REPS2: variants seen among roughly 807,000 people sequenced by gnomAD.
REPS2 encodes ralBP1-associated Eps domain-containing protein 2.
A neutral mutation model predicts 53.6 loss-of-function variants in REPS2; 23 were observed. The observed-to-expected ratio is 0.43, with a 90% CI of 0.31 to 0.61. REPS2 has a LOEUF of 0.61. Among genes scored for constraint, REPS2 ranks in the 20% least tolerant of loss-of-function variants. The pLI is 0.11. For synonymous variants in REPS2, 238 were observed against 218.6 expected (o/e 1.09, Z -0.78); for missense variants, 446 against 534.9 (o/e 0.83, Z 1.64).
At chrX:17,126,577 T>C (rs2063213973) in intron 14 of REPS2, among the ~76,000 whole-genome samples, 1 of 111,292 alleles carries the variant, frequency 9.0e-6, no homozygotes, top group Non-Finnish European at 1.9e-5. Context: ...AATTTCAGAG[T>C]GTGTAATGTT....
intron 1 of REPS2, among the ~76,000 whole-genome samples, chrX:16,993,081 C>G (rs1424746517): frequency 1.8e-5 from 2 of 111,859 alleles, no homozygotes; most frequent in East Asian, 5.6e-4. Flanking sequence ...AGGGGCCTGA[C>G]CTTTACAAAC....
chrX:17,107,980 T>G (rs1018322040), intron 14 of REPS2, among the ~76,000 whole-genome samples: 4 of 111,245 alleles, frequency 3.6e-5, no homozygotes, highest in African/African-American at 1.3e-4. Context: ...CAGTGGCATG[T>G]TCAGGGCTTA....
At chrX:16,952,877 G>A (rs2060532734) in intron 1 of REPS2, among the ~76,000 whole-genome samples, 1 of 111,391 alleles carries the variant, frequency 9.0e-6, no homozygotes, top group Non-Finnish European at 1.9e-5. Context: ...TGTAATCCTA[G>A]CACTTTGGGA....
intron 13 of REPS2, 124 bp from the exon 14 acceptor site, chrX:17,103,594 G>A: frequency 1.7e-6 from 1 of 582,458 alleles, no homozygotes; most frequent in Non-Finnish European, 2.9e-6. Context: ...GCCTTCAGAA[G>A]GACTGTAAAA....
intron 1 of REPS2, among the ~76,000 whole-genome samples, chrX:16,996,525 C>CA (rs1010330716): frequency 1.8e-5 from 2 of 111,984 alleles, no homozygotes; most frequent in Non-Finnish European, 3.8e-5. Flanking sequence ...GCCAGAATGT[C>CA]AGAGAGGCGA....
At position 16,977,657 on chromosome X, in the gene REPS2, G is replaced by A. The variant is rs113502411; in HGVS notation, c.274-28564G>A. 5.3e-3 allele frequency among the ~76,000 whole-genome samples: 564 copies of A among 106,847 alleles called. 5 individuals carry two copies. The highest frequency in any genetic ancestry group is 0.018 in the African/African-American group (536 of 29,115). 92.8% of individuals were successfully genotyped at this position (106,847 alleles called of 115,157 possible). The stretch of plus-strand genomic sequence containing the variant: ...CTTGAGCTTAGGCGATTGAGGCTGC[G>A]GTGAACCATGATCACACCACTGCAC... On this transcript the variant is annotated intron_variant, in intron 1 of 17. Transcript: ENST00000357277.
At chrX:17,011,231 T>C (rs2061426896) in intron 2 of REPS2, among the ~76,000 whole-genome samples, 1 of 111,423 alleles carries the variant, frequency 9.0e-6, no homozygotes, top group Non-Finnish European at 1.9e-5. Flanking sequence ...TCCTTAAATG[T>C]TGGCACTAGG....
intron 16 of REPS2, chrX:17,136,406 A>G (rs1165272823): frequency 9.0e-6 from 1 of 110,761 alleles, no homozygotes; most frequent in Non-Finnish European, 1.9e-5. Context: ...CATCACATTC[A>G]CCGAGAACTT....
intron 15 of REPS2, among the ~76,000 whole-genome samples, chrX:17,134,896 A>C (rs1163694258): frequency 9.0e-6 from 1 of 111,164 alleles, no homozygotes; most frequent in Non-Finnish European, 1.9e-5. Context: ...TGCTGGGATT[A>C]CAGGCATGAG....
At chrX:16,975,778 C>T (rs186422259) in intron 1 of REPS2, among the ~76,000 whole-genome samples, 1 of 112,042 alleles carries the variant, frequency 8.9e-6, no homozygotes, top group Admixed American at 9.5e-5. Context: ...CACAGTCATT[C>T]GGATTGAATA....
chrX:17,024,387 T>TA (rs2061614438), intron 3 of REPS2, among the ~76,000 whole-genome samples: 1 of 102,887 alleles, frequency 9.7e-6, no homozygotes, highest in African/African-American at 3.6e-5. Context: ...TTTTTTTTTT[T>TA]AAAGAGGAAA....
chrX:17,045,948 G>GGT (rs369872429), intron 5 of REPS2, among the ~76,000 whole-genome samples: 3 of 108,527 alleles, frequency 2.8e-5, no homozygotes, highest in Admixed American at 9.9e-5. Flanking sequence ...TTCCTGGAAT[G>GGT]GTGTGTGTGT....
Position 17,149,073 on chromosome X carries a change from A to G in REPS2, c.*1592A>G. On this transcript the variant is annotated 3_prime_UTR_variant, in exon 18 of 18. Coordinates refer to ENST00000357277, the MANE Select transcript of REPS2 (RefSeq NM_004726.3). Reference sequence around the variant, plus strand: ...TTTCCACAGAAAAACAAATTGTTGAATCTATTCCGTGCATATTTAAGGATT... The same window carrying G: ...TTTCCACAGAAAAACAAATTGTTGAGTCTATTCCGTGCATATTTAAGGATT... The G allele has an allele frequency of 3.0e-6, 1 of 338,755 alleles. No homozygotes were observed. Among genetic ancestry groups the G allele is most frequent in the Non-Finnish European group, 5.7e-6 (1 of 175,039 alleles). 27.9% of individuals were successfully genotyped at this position (338,755 alleles called of 1,213,427 possible).
intron 14 of REPS2, among the ~76,000 whole-genome samples, chrX:17,128,549 G>A (rs1435397249): frequency 8.9e-6 from 1 of 112,013 alleles, no homozygotes; most frequent in Non-Finnish European, 1.9e-5. Flanking sequence ...GGCCAACACA[G>A]CACCTACTAC....
chrX:17,169,765 T>C, the REPS2 span, among the ~76,000 whole-genome samples: 1 of 111,936 alleles, frequency 8.9e-6, no homozygotes, highest in East Asian at 2.8e-4. Flanking sequence ...TAGTGTTGAG[T>C]TTTTTGCCAG....
intron 7 of REPS2, among the ~76,000 whole-genome samples, chrX:17,054,307 C>T (rs1199877192): frequency 2.7e-5 from 3 of 112,864 alleles, no homozygotes; most frequent in South Asian, 3.6e-4. Context: ...CAAAAATTTA[C>T]GTGACTTGAA....
intron 8 of REPS2, among the ~76,000 whole-genome samples, chrX:17,056,029 A>G (rs2062065840): frequency 8.9e-6 from 1 of 112,046 alleles, no homozygotes; most frequent in South Asian, 3.7e-4. Context: ...CAAAAAAAAA[A>G]AACAAAAAAA....
chrX:17,068,320 A>C, intron 9 of REPS2, 82 bp from the exon 10 acceptor site: 2 of 842,944 alleles, frequency 2.4e-6, no homozygotes, highest in Non-Finnish European at 3.4e-6. Context: ...TCTCAAAAAA[A>C]AAAAATTTTT....
intron 2 of REPS2, among the ~76,000 whole-genome samples, chrX:17,007,861 G>A (rs1279606572): frequency 8.9e-6 from 1 of 112,118 alleles, no homozygotes; most frequent in Non-Finnish European, 1.9e-5. Context: ...TACAAGTATG[G>A]AAATTTGAAC....
Sources: gnomAD v4.1 joint callset for allele counts (sites outside exome capture counted in the v4.1 genomes callset) on GRCh38, gnomAD v4.1.1 for gene constraint, MANE v1.5 for transcripts, NCBI Gene and HGNC (gene_info 2026-07-23, HGNC 2026-07-21) for gene names.